AKAP3: variants seen among roughly 807,000 people sequenced by gnomAD.
AKAP3 encodes A-kinase anchor protein 3.
In AKAP3, 27 loss-of-function variants were observed where a neutral mutation model predicts 57.2. That is an observed-to-expected ratio of 0.47 (90% CI 0.35 to 0.65). AKAP3 has a LOEUF of 0.65. Ranked by LOEUF, AKAP3 falls within the 30% of genes least tolerant of loss-of-function variation. The pLI, the probability that AKAP3 is intolerant of heterozygous loss-of-function variation, is 0.01. For missense variants in AKAP3, 959 were observed against 1,040.0 expected, an observed-to-expected ratio of 0.92 and a Z score of 1.07; for synonymous variants, 334 against 392.3, an observed-to-expected ratio of 0.85 and a Z score of 1.76.
chr12:4,641,646 A>C (rs1406642221), intron 3 of AKAP3, among the ~76,000 whole-genome samples: 3 of 152,260 alleles, frequency 2.0e-5, no homozygotes, highest in Non-Finnish European at 4.4e-5. Context: ...TACTATAAAG[A>C]AAACAATGAA....
At chr12:4,636,152 C>A in intron 4 of AKAP3, 1 of 691,828 alleles carries the variant, frequency 1.4e-6, no homozygotes, top group Non-Finnish European at 2.5e-6. Flanking sequence ...GCTTGCGCCT[C>A]GATTAGCCAT....
intron 4 of AKAP3, among the ~76,000 whole-genome samples, chr12:4,636,517 G>A (rs867276472): frequency 6.6e-6 from 1 of 152,152 alleles, no homozygotes; most frequent in African/African-American, 2.4e-5. Flanking sequence ...AAACTGATCT[G>A]CCTTTTGTTT....
intron 4 of AKAP3, among the ~76,000 whole-genome samples, chr12:4,632,783 GGT>G (rs1945514655): frequency 1.3e-5 from 2 of 152,144 alleles, no homozygotes; most frequent in Non-Finnish European, 2.9e-5. Flanking sequence ...TGGGACTACA[GGT>G]GCCCGCCATC....
chr12:4,626,477 C>A lies in AKAP3; in HGVS notation c.2406+19G>T. On this transcript the variant is annotated intron_variant, in intron 5 of 5. Transcript: ENST00000228850. ...AAATCTTAATAAAGCTTCCAAATTC[C>A]TCTGCCTTTGTTTCTTACCTTCTCC... The A allele has an allele frequency of 6.2e-7, 1 of 1,602,912 alleles. No homozygotes were observed. Among genetic ancestry groups the A allele is most frequent in the Non-Finnish European group, 8.5e-7 (1 of 1,174,060 alleles).
chr12:4,638,148 C>T lies in AKAP3; in HGVS notation c.49G>A (p.Val17Ile). The change falls in exon 4 of 6, where the codon GTT (valine) becomes ATT (isoleucine). Residue 17 changes from valine to isoleucine, a missense_variant. Physicochemically the swap from Val to Ile is conservative, Grantham distance 29. Transcript: ENST00000228850. ...TTGTCTCCAGGAGAATAGACATCAA[C>T]TTTGCATACTCCATTTTGGCTTTGT... ...WLQSQNGVCK[V>I]DVYSPGDNQA... 1 of 1,613,630 alleles carries T rather than the reference C, an allele frequency of 6.2e-7. No homozygotes were observed. Among genetic ancestry groups the T allele is most frequent in the Non-Finnish European group, 8.5e-7 (1 of 1,179,886 alleles).
chr12:4,643,870 T>A (rs761223190), intron 2 of AKAP3, among the ~76,000 whole-genome samples: 81 of 152,362 alleles, frequency 5.3e-4, no homozygotes, highest in Non-Finnish European at 8.5e-4. Context: ...TAAACTCATG[T>A]AAAAACTCAG....
At chr12:4,636,624 C>CT (rs11403385) in intron 4 of AKAP3, among the ~76,000 whole-genome samples, 149,389 of 152,352 alleles carry the variant, frequency 0.98, 73,318 homozygotes, top group Middle Eastern at 1. Flanking sequence ...ATCTTTATGT[C>CT]TAATGTCTTA....
At chr12:4,643,024 C>T (rs1431503706) in intron 2 of AKAP3, among the ~76,000 whole-genome samples, 1 of 152,216 alleles carries the variant, frequency 6.6e-6, no homozygotes, top group African/African-American at 2.4e-5. Flanking sequence ...GTTCACCGCA[C>T]AGACTTACTC....
chr12:4,631,337 G>A (rs966595683), intron 4 of AKAP3: 2 of 701,684 alleles, frequency 2.9e-6, no homozygotes, highest in East Asian at 2.7e-5. Context: ...CAACTAAGAC[G>A]TTTGTGCTCA....
chr12:4,647,867 A>ATT (rs4147697), intron 1 of AKAP3: 1 of 151,788 alleles, frequency 6.6e-6, no homozygotes, highest in Non-Finnish European at 1.5e-5. Context: ...GGGGCAAGAT[A>ATT]GAGTGGAAAC....
At chr12:4,641,346 G>C (rs1198254188) in intron 3 of AKAP3, among the ~76,000 whole-genome samples, 1 of 152,036 alleles carries the variant, frequency 6.6e-6, no homozygotes, top group Non-Finnish European at 1.5e-5. Flanking sequence ...CTCCCAAGTA[G>C]TTGGGACTAC....
At chr12:4,622,269 G>GA (rs1221482249) in intron 5 of AKAP3, among the ~76,000 whole-genome samples, 1 of 152,058 alleles carries the variant, frequency 6.6e-6, no homozygotes, top group African/African-American at 2.4e-5. Context: ...CATAGAACTA[G>GA]AAAAAACTAT....
At position 4,627,602 on chromosome 12, in the gene AKAP3, T is replaced by C; in HGVS notation, c.1300A>G (p.Met434Val). Residue 434 changes from methionine (M) to valine (V), a missense_variant, in exon 5 of 6, where the codon ATG (methionine) becomes GTG (valine). Met to Val is a conservative substitution (Grantham distance 21). Coordinates refer to ENST00000228850, the MANE Select transcript of AKAP3 (RefSeq NM_001278309.2). ...MKSETKLREKMYSEPKSEEET... is the reference protein window; with the variant it reads ...MKSETKLREKVYSEPKSEEET... ...TCCTCTGATTTGGGTTCAGAATACA[T>C]TTTTTCTCTCAATTTAGTTTCAGAT... The C allele has an allele frequency of 6.2e-7, 1 of 1,614,132 alleles. No individual in the cohort carries two copies. Among genetic ancestry groups the C allele is most frequent in the Non-Finnish European group, 8.5e-7 (1 of 1,180,030 alleles).
At chr12:4,638,962 T>G (rs1945601000) in intron 3 of AKAP3, among the ~76,000 whole-genome samples, 1 of 152,242 alleles carries the variant, frequency 6.6e-6, no homozygotes, top group Non-Finnish European at 1.5e-5. Context: ...TGAGATTCAT[T>G]TTAATTGTCT....
chr12:4,643,044 C>A (rs1041949648), intron 2 of AKAP3, among the ~76,000 whole-genome samples: 3 of 152,236 alleles, frequency 2.0e-5, no homozygotes, highest in African/African-American at 4.8e-5. Flanking sequence ...CAGTGATTTA[C>A]TAACAGACCT....
chr12:4,632,515 A>G (rs1255171189), intron 4 of AKAP3, among the ~76,000 whole-genome samples: 1 of 152,254 alleles, frequency 6.6e-6, no homozygotes, highest in Non-Finnish European at 1.5e-5. Flanking sequence ...GTTTCAGAGA[A>G]GTCTAAGTGT....
At chr12:4,636,004 G>T in intron 4 of AKAP3, 3 of 1,470,774 alleles carry the variant, frequency 2.0e-6, no homozygotes, top group Non-Finnish European at 2.8e-6. Context: ...TACCCCAATG[G>T]TACTCTCTTG....
rs566121171 is a variant in AKAP3 at position 4,616,086 on chromosome 12, C to T, written c.2407-192G>A. Among the ~76,000 whole-genome samples the T allele has an allele frequency of 2.6e-5, 4 of 152,324 alleles. No individual in the cohort carries two copies. The East Asian group carries it at 7.7e-4, about 29-fold the overall frequency. ...TTAGTTTAAAGAAGAGATGTTAACA[C>T]CCACCTGCCCATGATCTTGCTCTCT... On this transcript the variant is annotated intron_variant, in intron 5 of 5. Coordinates refer to ENST00000228850, the MANE Select transcript of AKAP3 (RefSeq NM_001278309.2).
At position 4,628,292 on chromosome 12, in the gene AKAP3, C is replaced by T. The variant is rs1207712873; in HGVS notation, c.610G>A (p.Gly204Arg). ...AAATTTGGGGGACTTTGTGATGATC[C>T]CGAGACTCTGTCTCCAGAGCCAGGA... ...KAPGSGDRVS[G>R]SSQSPPNLKY... Residue 204 changes from glycine (G) to arginine (R), a missense_variant, in exon 5 of 6, where the codon GGA (glycine) becomes AGA (arginine). Physicochemically the swap from Gly to Arg is moderately radical, Grantham distance 125. Transcript: ENST00000228850. 1 of 1,614,098 alleles carries T rather than the reference C, an allele frequency of 6.2e-7. No homozygotes were observed. The highest frequency in any genetic ancestry group is 8.5e-7 in the Non-Finnish European group (1 of 1,179,980).
Sources: gnomAD v4.1 joint callset for allele counts (sites outside exome capture counted in the v4.1 genomes callset) on GRCh38, gnomAD v4.1.1 for gene constraint, MANE v1.5 for transcripts, NCBI Gene and HGNC (gene_info 2026-07-23, HGNC 2026-07-21) for gene names.